Variants in GALNTL6 observed in about 807,000 individuals in gnomAD.
GALNTL6 encodes polypeptide N-acetylgalactosaminyltransferase like 6.
Under a neutral mutation model 73.7 loss-of-function variants are expected in GALNTL6, and 46 were observed. The observed-to-expected ratio is 0.62, with a 90% CI of 0.49 to 0.80. GALNTL6 has a LOEUF of 0.80. Among genes scored for constraint, GALNTL6 ranks in the 30% least tolerant of loss-of-function variants. The pLI, the probability that GALNTL6 is intolerant of heterozygous loss-of-function variation, is 0.00. For missense variants in GALNTL6, 604 were observed against 755.0 expected, an observed-to-expected ratio of 0.80 and a Z score of 2.34; for synonymous variants, 259 against 263.7, an observed-to-expected ratio of 0.98 and a Z score of 0.17.
intron 2 of GALNTL6, among the ~76,000 whole-genome samples, chr4:172,208,012 C>A (rs188307818): frequency 6.6e-6 from 1 of 152,130 alleles, no homozygotes; most frequent in Non-Finnish European, 1.5e-5. Context: ...TGAAAGAAGA[C>A]GGAGTGAGGA....
intron 2 of GALNTL6, among the ~76,000 whole-genome samples, chr4:172,220,464 A>G (rs572397258): frequency 6.6e-6 from 1 of 151,938 alleles, no homozygotes; most frequent in South Asian, 2.1e-4. Flanking sequence ...TACTGGTGCT[A>G]GAAGGGGAAT....
intron 5 of GALNTL6, among the ~76,000 whole-genome samples, chr4:172,594,685 T>C (rs957923615): frequency 6.6e-6 from 1 of 152,254 alleles, no homozygotes; most frequent in Non-Finnish European, 1.5e-5. Flanking sequence ...TATTAAAGAA[T>C]AATTTTAATT....
At chr4:172,942,218 T>G (rs892929834) in intron 9 of GALNTL6, among the ~76,000 whole-genome samples, 3 of 152,240 alleles carry the variant, frequency 2.0e-5, no homozygotes, top group Non-Finnish European at 4.4e-5. Flanking sequence ...ATATAATTTG[T>G]AATCTAAGAC....
chr4:171,819,235 A>T (rs1389353925), intron 2 of GALNTL6, among the ~76,000 whole-genome samples: 6 of 152,074 alleles, frequency 3.9e-5, no homozygotes, highest in African/African-American at 1.4e-4. Flanking sequence ...CGTTTCTGGA[A>T]TTTATGGAAA....
intron 5 of GALNTL6, among the ~76,000 whole-genome samples, chr4:172,796,938 C>T (rs938361725): frequency 6.6e-6 from 1 of 152,092 alleles, no homozygotes; most frequent in Non-Finnish European, 1.5e-5. Context: ...ATTATGAAGT[C>T]AGGCCAAACC....
chr4:172,583,955 T>C (rs1045746536), intron 5 of GALNTL6, among the ~76,000 whole-genome samples: 1 of 148,934 alleles, frequency 6.7e-6, no homozygotes, highest in African/African-American at 2.5e-5. Context: ...ATGTAAACTG[T>C]ATAGGATTCA....
At chr4:172,195,257 C>G (rs1735721231) in intron 2 of GALNTL6, among the ~76,000 whole-genome samples, 1 of 152,082 alleles carries the variant, frequency 6.6e-6, no homozygotes, top group Non-Finnish European at 1.5e-5. Context: ...AATATACATG[C>G]ACCCAATACA....
intron 2 of GALNTL6, among the ~76,000 whole-genome samples, chr4:172,187,421 A>G (rs2110869952): frequency 6.6e-6 from 1 of 152,286 alleles, no homozygotes; most frequent in African/African-American, 2.4e-5. Context: ...TAAAAATTAA[A>G]TATTTAATTA....
chr4:172,265,147 T>G (rs1029738907), intron 3 of GALNTL6, among the ~76,000 whole-genome samples: 6 of 152,018 alleles, frequency 3.9e-5, no homozygotes, highest in African/African-American at 9.7e-5. Context: ...TTGCTACAAT[T>G]TTAATAGTTG....
At chr4:171,838,117 T>A in intron 2 of GALNTL6, among the ~76,000 whole-genome samples, 1 of 151,508 alleles carries the variant, frequency 6.6e-6, no homozygotes, top group East Asian at 1.9e-4. Context: ...TCTATTTATT[T>A]ATTTATTTAT....
intron 2 of GALNTL6, among the ~76,000 whole-genome samples, chr4:172,003,642 T>C (rs556575318): frequency 6.6e-6 from 1 of 152,272 alleles, no homozygotes; most frequent in East Asian, 1.9e-4. Context: ...GATAATTCTT[T>C]AAAATGTCAT....
intron 2 of GALNTL6, among the ~76,000 whole-genome samples, chr4:172,111,586 T>C (rs1236719242): frequency 1.3e-5 from 2 of 152,076 alleles, no homozygotes; most frequent in African/African-American, 4.8e-5. Flanking sequence ...AAATTTGAGA[T>C]TTTAGATTTA....
At chr4:172,801,967 A>T (rs1217388803) in intron 5 of GALNTL6, among the ~76,000 whole-genome samples, 1 of 152,146 alleles carries the variant, frequency 6.6e-6, no homozygotes, top group East Asian at 1.9e-4. Context: ...ATATTTTCCC[A>T]CTGAATTGGT....
intron 2 of GALNTL6, among the ~76,000 whole-genome samples, chr4:171,977,233 T>C (rs904708445): frequency 2.6e-5 from 4 of 152,156 alleles, no homozygotes; most frequent in African/African-American, 9.7e-5. Context: ...CAACCATTTA[T>C]TATCCAAAAA....
intron 2 of GALNTL6, among the ~76,000 whole-genome samples, chr4:172,161,485 C>G (rs1272398248): frequency 6.6e-6 from 1 of 151,910 alleles, no homozygotes; most frequent in African/African-American, 2.4e-5. Context: ...GTGGTGAATA[C>G]TCATTGGCAG....
At chr4:172,038,261 C>T (rs1396906471) in intron 2 of GALNTL6, among the ~76,000 whole-genome samples, 1 of 152,098 alleles carries the variant, frequency 6.6e-6, no homozygotes, top group East Asian at 1.9e-4. Flanking sequence ...TTTTTCCTGG[C>T]ATTTTAATTC....
intron 2 of GALNTL6, among the ~76,000 whole-genome samples, chr4:171,923,979 TTAAC>T (rs1300866335): frequency 6.6e-6 from 1 of 152,076 alleles, no homozygotes; most frequent in Non-Finnish European, 1.5e-5. Context: ...AGAAGTTTAT[TTAAC>T]TAGGATTTTT....
intron 5 of GALNTL6, among the ~76,000 whole-genome samples, chr4:172,537,467 A>G (rs1225510403): frequency 1.3e-5 from 2 of 152,218 alleles, no homozygotes; most frequent in Non-Finnish European, 2.9e-5. Flanking sequence ...GCCACCAGGT[A>G]ACATGTGCCT....
At chr4:172,042,350 G>A (rs912402732) in intron 2 of GALNTL6, among the ~76,000 whole-genome samples, 2 of 151,974 alleles carry the variant, frequency 1.3e-5, no homozygotes, top group African/African-American at 4.8e-5. Flanking sequence ...TGACCTTGAT[G>A]TTTCTAAACT....
Sources: allele counts gnomAD v4.1 joint callset (sites outside exome capture counted in the v4.1 genomes callset), GRCh38; gene constraint gnomAD v4.1.1; transcripts MANE v1.5; gene names NCBI Gene and HGNC (gene_info 2026-07-23, HGNC 2026-07-21).